URI1: variants seen among roughly 807,000 people sequenced by gnomAD.
The protein encoded by URI1 is unconventional prefoldin RPB5 interactor 1.
URI1 carries 39 observed loss-of-function variants against 60.2 expected under a neutral mutation model. The ratio of observed to expected loss-of-function variants is 0.65; its 90% CI spans 0.50 to 0.85. The LOEUF (loss-of-function observed/expected upper bound fraction) is 0.85, where lower values mean the gene tolerates loss of function less well. Among genes scored for constraint, URI1 ranks in the 40% least tolerant of loss-of-function variants. The pLI is 0.00. For synonymous variants in URI1, 251 were observed against 236.8 expected (o/e 1.06, Z -0.55); for missense variants, 691 against 665.9 (o/e 1.04, Z -0.42).
Position 30,016,061 on chromosome 19 carries a change from T to G in URI1, c.*992T>G, listed in dbSNP as rs544965029. The G allele has an allele frequency of 1.3e-5, 2 of 152,906 alleles. No individual in the cohort carries two copies. Among genetic ancestry groups the G allele is most frequent in the East Asian group, 3.8e-4 (2 of 5,206 alleles). 9.5% of individuals were successfully genotyped at this position (152,906 alleles called of 1,614,324 possible). A position where few individuals can be genotyped will look rare whatever the true frequency, so the allele number is the denominator to read the frequency against. On this transcript the variant is annotated 3_prime_UTR_variant, in exon 11 of 11. Transcript: ENST00000392271. ...ATCATTAGCTTGATGCATGCTAAAA[T>G]GTAGCTTTTAAAAAGCATTCTGCAT...
intron 2 of URI1, among the ~76,000 whole-genome samples, chr19:29,984,326 G>A (rs138458021): frequency 3.3e-5 from 5 of 152,128 alleles, no homozygotes; most frequent in African/African-American, 1.2e-4. Context: ...CTACTCAGGA[G>A]GCTAAGGCAG....
chr19:29,940,065 T>C (rs149120332), upstream of URI1, among the ~76,000 whole-genome samples: 209 of 152,320 alleles, frequency 1.4e-3, no homozygotes, highest in Middle Eastern at 6.8e-3. Context: ...CTGCTCATGA[T>C]AGAAAATTGT....
chr19:29,973,656 T>C lies in URI1; in HGVS notation c.152+2429T>C, dbSNP rs903300207. Among the ~76,000 whole-genome samples the C allele has an allele frequency of 3.3e-5, 5 of 152,148 alleles. No homozygotes were observed. In the South Asian group the frequency reaches 1.0e-3, roughly 32 times the overall value. On this transcript the variant is annotated intron_variant, in intron 2 of 10. Coordinates refer to ENST00000392271, the MANE Select transcript of URI1 (RefSeq NM_003796.3). ...GTAGGACAGGGAGTAAAAATATTTA[T>C]AGAAAAATAGGAGTGAAAATGGTCT...
chr19:30,015,532 G>A lies in URI1; in HGVS notation c.*463G>A. 6.5e-7 allele frequency: 1 copy of A among 1,534,674 alleles called. No homozygotes were observed. The highest frequency in any genetic ancestry group is 8.7e-7 in the Non-Finnish European group (1 of 1,146,184). On this transcript the variant is annotated 3_prime_UTR_variant, in exon 11 of 11. Transcript: ENST00000392271. ...CACTTTAAAAAAATCTACTTCTCTT[G>A]TAGGTTTTGCGGCTAGTTGGCTATT...
intron 1 of URI1, among the ~76,000 whole-genome samples, chr19:29,937,193 G>A (rs1027956217): frequency 6.6e-5 from 10 of 152,150 alleles, no homozygotes; most frequent in African/African-American, 2.4e-4. Flanking sequence ...TCAAGCTATT[G>A]TACTTTTCGG....
chr19:29,989,101 T>TTTTAA (rs1348387211), intron 4 of URI1, among the ~76,000 whole-genome samples: 1 of 152,160 alleles, frequency 6.6e-6, no homozygotes, highest in East Asian at 1.9e-4. Flanking sequence ...AATATTGGGT[T>TTTTAA]ATATATGCTT....
chr19:29,964,655 C>T (rs2055369716), intron 1 of URI1, among the ~76,000 whole-genome samples: 2 of 151,434 alleles, frequency 1.3e-5, no homozygotes, highest in South Asian at 4.2e-4. Flanking sequence ...AGAGATAGGG[C>T]TTCACCATCT....
intron 8 of URI1, among the ~76,000 whole-genome samples, chr19:30,009,984 T>C (rs1172131750): frequency 1.3e-5 from 2 of 152,264 alleles, no homozygotes; most frequent in African/African-American, 4.8e-5. Flanking sequence ...GTATTTAAAA[T>C]AGATCAAAGC....
intron 1 of URI1, among the ~76,000 whole-genome samples, chr19:29,928,731 G>T (rs1274823190): frequency 6.6e-6 from 1 of 152,112 alleles, no homozygotes; most frequent in Non-Finnish European, 1.5e-5. Flanking sequence ...CGGTAGAAGG[G>T]TGCTCCAAAT....
chr19:29,943,189 C>A (rs568150892), intron 1 of URI1, among the ~76,000 whole-genome samples: 1 of 152,106 alleles, frequency 6.6e-6, no homozygotes, highest in Non-Finnish European at 1.5e-5. Context: ...AAGCGATCCT[C>A]CCCCTCCTAC....
chr19:29,992,578 G>T (rs2055760158), intron 4 of URI1, among the ~76,000 whole-genome samples: 1 of 152,062 alleles, frequency 6.6e-6, no homozygotes, highest in South Asian at 2.1e-4. Flanking sequence ...TTACTCTGTT[G>T]TTGCTGAAAT....
chr19:29,988,277 G>A (rs10417348), intron 4 of URI1, among the ~76,000 whole-genome samples: 1 of 152,044 alleles, frequency 6.6e-6, no homozygotes, highest in Admixed American at 6.6e-5. Context: ...TTAAGAAAAG[G>A]TACTTTATTT....
chr19:29,992,553 A>AT (rs2055759774), intron 4 of URI1, among the ~76,000 whole-genome samples: 1 of 152,214 alleles, frequency 6.6e-6, no homozygotes, highest in East Asian at 1.9e-4. Flanking sequence ...ATTATTTAAT[A>AT]TTTTTAGTAT....
chr19:29,987,345 C>G (rs764353049), intron 4 of URI1, among the ~76,000 whole-genome samples: 9 of 152,104 alleles, frequency 5.9e-5, no homozygotes, highest in Admixed American at 1.3e-4. Flanking sequence ...AACTCATTTA[C>G]TCAGTGAAAT....
intron 1 of URI1, among the ~76,000 whole-genome samples, chr19:29,944,155 A>ATATATG (rs1599658395): frequency 1.9e-5 from 1 of 51,424 alleles, no homozygotes; most frequent in East Asian, 8.8e-4. Context: ...ATATATATAT[A>ATATATG]TATATATATA....
At chr19:29,927,278 T>TTTG (rs1160297880) in intron 1 of URI1, among the ~76,000 whole-genome samples, 1 of 150,274 alleles carries the variant, frequency 6.7e-6, no homozygotes. Context: ...TTTTTTTTTT[T>TTTG]TCTGAAATGG....
chr19:29,991,185 A>G (rs2055741770), intron 4 of URI1, among the ~76,000 whole-genome samples: 1 of 152,224 alleles, frequency 6.6e-6, no homozygotes, highest in Admixed American at 6.5e-5. Context: ...AAATCAACAC[A>G]TTAATTTGGG....
rs980709649 is a variant in URI1 at position 30,015,613 on chromosome 19, A to C, written c.*544A>C. On this transcript the variant is annotated 3_prime_UTR_variant, in exon 11 of 11. Coordinates refer to ENST00000392271, the MANE Select transcript of URI1 (RefSeq NM_003796.3). ...TGTAATCTTTAAGGAAGAAAGCTAC[A>C]TGAATTAATTGTACTCTATGGGAAA... 1.3e-6 allele frequency: 2 copies of C among 1,516,244 alleles called. No individual in the cohort carries two copies. The highest frequency in any genetic ancestry group is 2.8e-5 in the African/African-American group (2 of 72,144). 93.9% of individuals were successfully genotyped at this position (1,516,244 alleles called of 1,614,324 possible). A position where few individuals can be genotyped will look rare whatever the true frequency, so the allele number is the denominator to read the frequency against.
At chr19:29,955,514 A>G (rs1330816992) in intron 1 of URI1, among the ~76,000 whole-genome samples, 2 of 152,190 alleles carry the variant, frequency 1.3e-5, no homozygotes, top group African/African-American at 4.8e-5. Flanking sequence ...CTCTCAATGA[A>G]CTATTATGTT....
Sources: allele counts gnomAD v4.1 joint callset (sites outside exome capture counted in the v4.1 genomes callset), GRCh38; gene constraint gnomAD v4.1.1; transcripts MANE v1.5; gene names NCBI Gene and HGNC (gene_info 2026-07-23, HGNC 2026-07-21).